NUAK2: variants seen among roughly 807,000 people sequenced by gnomAD.
NUAK2 encodes the protein NUAK family kinase 2, also known as NUAK family SNF1-like kinase 2.
Under a neutral mutation model 29.8 loss-of-function variants are expected in NUAK2, and 20 were observed. The ratio of observed to expected loss-of-function variants is 0.67; its 90% CI spans 0.47 to 0.98. The LOEUF is 0.98. NUAK2 is among the 50% of genes least tolerant of loss of function. NUAK2 has a pLI of 0.00. For missense variants in NUAK2, 719 were observed against 834.5 expected (o/e 0.86, Z 1.71); for synonymous variants, 331 against 342.6 (o/e 0.97, Z 0.37).
intron 5 of NUAK2, 87 bp from the exon 6 acceptor site, chr1:205,305,418 G>C: frequency 6.6e-7 from 1 of 1,513,050 alleles, no homozygotes; most frequent in Non-Finnish European, 8.9e-7. Flanking sequence ...CAGCACACCT[G>C]AGGACGACCC....
chr1:205,308,719 G>A lies in NUAK2; in HGVS notation c.366C>T (p.Ser122=). The change falls in exon 3 of 7, where the codon AGC becomes AGT. Residue 122 remains serine, a synonymous_variant. Coordinates refer to ENST00000367157, the MANE Select transcript of NUAK2 (RefSeq NM_030952.3). This position sits in a 1 kb window ranked among gnomAD's most constrained non-coding sequence, Gnocchi z 4.1. The part of the protein sequence containing the change: ...IIAIHEVFEN[S]SKIVIVMEYA... ...ACTCCATGACGATCACGATCTTGCT[G>A]CTGTTCTCAAACACTGGGCAGAGCA... 6.2e-7 allele frequency: 1 copy of A among 1,614,046 alleles called. No individual in the cohort carries two copies. The highest frequency in any genetic ancestry group is 8.5e-7 in the Non-Finnish European group (1 of 1,180,006).
chr1:205,320,952 A>T (rs1347239034), intron 1 of NUAK2, among the ~76,000 whole-genome samples: 1 of 152,166 alleles, frequency 6.6e-6, no homozygotes, highest in Non-Finnish European at 1.5e-5. Context: ...AGTTGGGGAA[A>T]TCCACACCTC....
intron 4 of NUAK2, among the ~76,000 whole-genome samples, chr1:205,307,169 C>T (rs1662193941): frequency 6.6e-6 from 1 of 152,176 alleles, no homozygotes; most frequent in Non-Finnish European, 1.5e-5. Flanking sequence ...GTGCTCCCCA[C>T]CTCTTCACCA....
rs746496473 is a variant in NUAK2, at chr1:205,303,607, A to G, written c.1730T>C (p.Leu577Pro). ...PLRGCVSVDNLTGLEEPPSEG... is the reference protein window; with the variant it reads ...PLRGCVSVDNPTGLEEPPSEG... ...TGAGGGGGGCTCCTCAAGCCCCGTG[A>G]GGTTGTCCACAGACACACAGCCCCG... Residue 577 changes from leucine (L) to proline (P), a missense_variant, in exon 7 of 7, where the codon CTC (leucine) becomes CCC (proline). By Grantham distance (98) the Leu-to-Pro change is moderately conservative. Around this residue, in one of 3 missense-constraint regions of NUAK2, gnomAD observed 430 missense variants for 465.7 expected, o/e 0.92. Transcript: ENST00000367157. 3 of 1,611,064 alleles carry G rather than the reference A, an allele frequency of 1.9e-6. No homozygotes were observed. In the East Asian group the frequency reaches 6.7e-5, roughly 36 times the overall value.
At chr1:205,310,428 G>A (rs1558674170) in intron 2 of NUAK2, among the ~76,000 whole-genome samples, 1 of 152,230 alleles carries the variant, frequency 6.6e-6, no homozygotes, top group Non-Finnish European at 1.5e-5. Flanking sequence ...GTAGCAGGAA[G>A]GGGATGAATT....
chr1:205,304,567 C>T lies in NUAK2; in HGVS notation c.824-54G>A. On this transcript the variant is annotated intron_variant, in intron 6 of 6. Coordinates refer to ENST00000367157, the MANE Select transcript of NUAK2 (RefSeq NM_030952.3). The surrounding 1 kb of genome is among the most constrained non-coding windows in gnomAD (Gnocchi z 6.5). ...TTGGCAGCTCCCAGAATAGGCACTC[C>T]CTGTCCCCTGTCCCCAGCTCATCCC... is the stretch of plus-strand genomic sequence containing the variant. The T allele has an allele frequency of 3.0e-6, 4 of 1,338,680 alleles. No homozygotes were observed. The highest frequency in any genetic ancestry group is 2.8e-5 in the Admixed American group (1 of 35,574). The allele number at this position is 1,338,680 out of a possible 1,614,324, so 82.9% of individuals were successfully genotyped here.
chr1:205,309,607 T>A (rs1675379498), intron 2 of NUAK2, among the ~76,000 whole-genome samples: 1 of 152,228 alleles, frequency 6.6e-6, no homozygotes, highest in Admixed American at 6.5e-5. Context: ...ATTACAGGCG[T>A]GAGCCACCGC....
At position 205,302,587 on chromosome 1, in the gene NUAK2, C is replaced by G. The variant is rs183778252; in HGVS notation, c.*863G>C. ...AAACAGAGATTGTGTTCTCTTACTC[C>G]TAGGCTAAATAAGGAAGGGTTAGGT... On this transcript the variant is annotated 3_prime_UTR_variant, in exon 7 of 7. Transcript: ENST00000367157. The G allele has an allele frequency of 1.3e-5, 2 of 152,230 alleles. No individual in the cohort carries two copies. The highest frequency in any genetic ancestry group is 2.9e-5 in the Non-Finnish European group (2 of 68,090). The allele number at this position is 152,230 out of a possible 1,614,324, so 9.4% of individuals were successfully genotyped here. A position where few individuals can be genotyped will look rare whatever the true frequency, so the allele number is the denominator to read the frequency against.
At chr1:205,318,515 A>G (rs921930896) in intron 1 of NUAK2, among the ~76,000 whole-genome samples, 2 of 152,244 alleles carry the variant, frequency 1.3e-5, no homozygotes, top group African/African-American at 2.4e-5. Flanking sequence ...CACCTCAGTC[A>G]TTTCCAAACA....
At chr1:205,314,060 T>C (rs1049436530) in intron 1 of NUAK2, among the ~76,000 whole-genome samples, 2 of 152,134 alleles carry the variant, frequency 1.3e-5, no homozygotes, top group African/African-American at 4.8e-5. Context: ...AGGCAGACAA[T>C]GGTTTCTGGC....
intron 1 of NUAK2, among the ~76,000 whole-genome samples, chr1:205,320,873 G>C (rs1433618259): frequency 6.7e-6 from 1 of 149,478 alleles, no homozygotes; most frequent in Non-Finnish European, 1.5e-5. Context: ...TTTTAGAGCT[G>C]GAAAGGACCT....
At chr1:205,309,255 A>G (rs1662223463) in intron 2 of NUAK2, among the ~76,000 whole-genome samples, 1 of 152,180 alleles carries the variant, frequency 6.6e-6, no homozygotes, top group Admixed American at 6.6e-5. Context: ...AGTCAACAGC[A>G]GTTCCAGGGC....
intron 1 of NUAK2, among the ~76,000 whole-genome samples, chr1:205,319,179 G>A (rs1372686484): frequency 6.6e-6 from 1 of 152,302 alleles, no homozygotes; most frequent in East Asian, 1.9e-4. Flanking sequence ...TGCTCTCCAA[G>A]AAGGAAGGAG....
rs11580336 is a variant in NUAK2 at position 205,302,757 on chromosome 1, G to A, written c.*693C>T. ...AAATACAAAATTAGCCGGGCATGGT[G>A]GCGGGCGCCTGTAATCCCAGCTACT... is the stretch of plus-strand genomic sequence containing the variant. On this transcript the variant is annotated 3_prime_UTR_variant, in exon 7 of 7. Transcript: ENST00000367157. 0.093 allele frequency: 14,080 copies of A among 152,122 alleles called. 755 individuals carry two copies. Among genetic ancestry groups the A allele is most frequent in the Middle Eastern group, 0.12 (36 of 294 alleles). The allele number at this position is 152,122 out of a possible 1,614,324, so 9.4% of individuals were successfully genotyped here. A position where few individuals can be genotyped will look rare whatever the true frequency, so the allele number is the denominator to read the frequency against.
rs1662113593 is a variant in NUAK2, at chr1:205,303,383, A to G, written c.*67T>C. 7.3e-7 allele frequency: 1 copy of G among 1,361,338 alleles called. No homozygotes were observed. Among genetic ancestry groups the G allele is most frequent in the Non-Finnish European group, 1.0e-6 (1 of 1,002,034 alleles). 84.3% of individuals were successfully genotyped at this position (1,361,338 alleles called of 1,614,324 possible). On this transcript the variant is annotated 3_prime_UTR_variant, in exon 7 of 7. Transcript: ENST00000367157. Reference sequence around the variant, plus strand: ...GGTCCTGGGAGGTGGGGGAGAAGGCATCTCCCCTCGGGGTGCAACCAGCTG... The same window carrying G: ...GGTCCTGGGAGGTGGGGGAGAAGGCGTCTCCCCTCGGGGTGCAACCAGCTG...
chr1:205,311,953 C>T lies in NUAK2; in HGVS notation c.232-128G>A, dbSNP rs1662263593. The T allele has an allele frequency of 7.4e-6, 9 of 1,215,580 alleles. No individual in the cohort carries two copies. In the Admixed American group the frequency reaches 1.9e-4, roughly 25 times the overall value. 75.3% of individuals were successfully genotyped at this position (1,215,580 alleles called of 1,614,324 possible). ...GTACACCCATAGAAGCCACTCCATC[C>T]TTCACCAGTGTAGGTGGCAGAGAGG... On this transcript the variant is annotated intron_variant, in intron 1 of 6. Coordinates refer to ENST00000367157, the MANE Select transcript of NUAK2 (RefSeq NM_030952.3).
chr1:205,311,108 T>A (rs1245188591), intron 2 of NUAK2, among the ~76,000 whole-genome samples: 1 of 152,056 alleles, frequency 6.6e-6, no homozygotes, highest in East Asian at 1.9e-4. Flanking sequence ...GTTGTCTGGG[T>A]CATGGGGAGG....
At chr1:205,311,982 G>C (rs1247961427) in intron 1 of NUAK2, among the ~76,000 whole-genome samples, 157 bp from the exon 2 acceptor site, 1 of 152,146 alleles carries the variant, frequency 6.6e-6, no homozygotes. Context: ...AGAGAGGCTG[G>C]AGAGCACTTT....
Position 205,304,057 on chromosome 1 carries a change from G to A in NUAK2, c.1280C>T (p.Pro427Leu), listed in dbSNP as rs748472624. 1.1e-5 allele frequency: 17 copies of A among 1,613,994 alleles called. No individual in the cohort carries two copies. The Admixed American group carries it at 1.3e-4, about 13-fold the overall frequency. ...ASAEGVQEDPPELSPIPASPG... is the reference protein window; with the variant it reads ...ASAEGVQEDPLELSPIPASPG... Reference sequence around the variant, plus strand: ...GCTCGCAGGGATTGGGCTGAGCTCCGGAGGGTCCTCCTGTACCCCTTCTGC... The same window carrying A: ...GCTCGCAGGGATTGGGCTGAGCTCCAGAGGGTCCTCCTGTACCCCTTCTGC... Residue 427 changes from proline (P) to leucine (L), a missense_variant, in exon 7 of 7, where the codon CCG becomes CTG. Pro to Leu is a moderately conservative substitution (Grantham distance 98). Around this residue, in one of 3 missense-constraint regions of NUAK2, gnomAD observed 430 missense variants for 465.7 expected, o/e 0.92. Transcript: ENST00000367157. This position sits in a 1 kb window ranked among gnomAD's most constrained non-coding sequence, Gnocchi z 6.5.
Sources: gnomAD v4.1 joint callset for allele counts (sites outside exome capture counted in the v4.1 genomes callset) on GRCh38, gnomAD v4.1.1 for gene constraint, gnomAD v4.1.1 regional missense constraint, Gnocchi (gnomAD v3.1) non-coding constraint, MANE v1.5 for transcripts, NCBI Gene and HGNC (gene_info 2026-07-23, HGNC 2026-07-21) for gene names.